The following DLG4 variants were observed in gnomAD, a reference collection of about 807,000 sequenced individuals.
DLG4 encodes disks large homolog 4.
In DLG4, 7 loss-of-function variants were observed where a neutral mutation model predicts 93.8. The observed-to-expected ratio is 0.07, with a 90% CI of 0.04 to 0.14. DLG4 has a LOEUF of 0.14. DLG4 is among the 10% of genes least tolerant of loss of function. The probability of loss-of-function intolerance (pLI) is 1.00; values close to 1 mark genes in which losing one functional copy is unlikely to be tolerated. For missense variants in DLG4, 545 were observed against 992.9 expected, an observed-to-expected ratio of 0.55 and a Z score of 6.06; for synonymous variants, 341 against 387.6, an observed-to-expected ratio of 0.88 and a Z score of 1.41.
chr17:7,213,544 T>C (rs529972734), intron 1 of DLG4, among the ~76,000 whole-genome samples: 10 of 151,986 alleles, frequency 6.6e-5, no homozygotes, highest in Non-Finnish European at 1.3e-4. Flanking sequence ...CCTCAAAAAA[T>C]ACACACCAAA....
At chr17:7,197,648 C>G (rs1315083804) in intron 8 of DLG4, among the ~76,000 whole-genome samples, 1 of 152,082 alleles carries the variant, frequency 6.6e-6, no homozygotes, top group Non-Finnish European at 1.5e-5. Context: ...CCATGCCCAG[C>G]TAATTTTTGT....
chr17:7,213,197 G>A (rs935752439), intron 1 of DLG4, among the ~76,000 whole-genome samples: 4 of 146,252 alleles, frequency 2.7e-5, no homozygotes, highest in African/African-American at 7.5e-5. Context: ...TCCCGGGTTC[G>A]AGTGATTCTC....
chr17:7,196,937 C>A lies in DLG4; in HGVS notation c.903G>T (p.Leu301=). 6.2e-7 allele frequency: 1 copy of A among 1,613,832 alleles called. No homozygotes were observed. Among genetic ancestry groups the A allele is most frequent in the Non-Finnish European group, 8.5e-7 (1 of 1,179,842 alleles). The change falls in exon 9 of 20, where the codon CTG becomes CTT. Residue 301 remains leucine (L), a synonymous_variant. Transcript: ENST00000399506. The surrounding 1 kb of genome is among the most constrained non-coding windows in gnomAD (Gnocchi z 8.3). ...PRRYSPVAKD[L]LGEEDIPREP... ...CTCGGGGAATGTCTTCCTCCCCGAGCAGGTCCTTGGCCACTGGAGAGTAGC... is the reference window on the plus strand; with the variant it reads ...CTCGGGGAATGTCTTCCTCCCCGAGAAGGTCCTTGGCCACTGGAGAGTAGC...
rs2142833492 is a variant in DLG4, at chr17:7,194,845, C to G, written c.1302-350G>C. Among the ~76,000 whole-genome samples, 1 of 152,050 alleles carries G rather than the reference C, an allele frequency of 6.6e-6. No individual in the cohort carries two copies. Among genetic ancestry groups the G allele is most frequent in the Non-Finnish European group, 1.5e-5 (1 of 67,980 alleles). ...AGGAGATTGAGACCATGGTGAAACC[C>G]CGTCTCTACTAAAAATACAAAATAT... On this transcript the variant is annotated intron_variant, in intron 11 of 19. Coordinates refer to ENST00000399506, the MANE Select transcript of DLG4 (RefSeq NM_001321075.3). This position sits in a 1 kb window ranked among gnomAD's most constrained non-coding sequence, Gnocchi z 4.4.
At chr17:7,192,796 G>T in intron 17 of DLG4, 149 bp downstream of exon 17, 1 of 858,184 alleles carries the variant, frequency 1.2e-6, no homozygotes, top group Non-Finnish European at 1.8e-6. Context: ...GTCAGACAGA[G>T]TTGCCCAAGA....
At position 7,208,110 on chromosome 17, in the gene DLG4, C is replaced by T; in HGVS notation, c.96+64G>A. 5 of 1,320,110 alleles carry T rather than the reference C, an allele frequency of 3.8e-6. No homozygotes were observed. Among genetic ancestry groups the T allele is most frequent in the Non-Finnish European group, 4.9e-6 (5 of 1,025,060 alleles). The allele number at this position is 1,320,110 out of a possible 1,614,324, so 81.8% of individuals were successfully genotyped here. A position where few individuals can be genotyped will look rare whatever the true frequency, so the allele number is the denominator to read the frequency against. On this transcript the variant is annotated intron_variant, in intron 2 of 19. Coordinates refer to ENST00000399506, the MANE Select transcript of DLG4 (RefSeq NM_001321075.3). This position sits in a 1 kb window ranked among gnomAD's most constrained non-coding sequence, Gnocchi z 5.4. ...GAGAGGTGGGCGTGGCCCACGACCCCGTGGCCAGCCTCGAGGTGGGACAAG... is the reference window on the plus strand; with the variant it reads ...GAGAGGTGGGCGTGGCCCACGACCCTGTGGCCAGCCTCGAGGTGGGACAAG...
chr17:7,202,982 A>G lies in DLG4; in HGVS notation c.708T>C (p.Tyr236=). 5 of 1,613,876 alleles carry G rather than the reference A, an allele frequency of 3.1e-6. No homozygotes were observed. The highest frequency in any genetic ancestry group is 4.2e-6 in the Non-Finnish European group (5 of 1,179,760). Residue 236 remains tyrosine, a synonymous_variant, in exon 8 of 20, where the codon TAT becomes TAC. Transcript: ENST00000399506. The part of the protein sequence containing the change: ...EDAVAALKNT[Y]DVVYLKVAKP... Reference sequence around the variant, plus strand: ...TGGCCACCTTTAGGTAGACAACATCATACGTGTTCTTCAGGGCTGCCACAG... The same window carrying G: ...TGGCCACCTTTAGGTAGACAACATCGTACGTGTTCTTCAGGGCTGCCACAG...
At position 7,190,693 on chromosome 17, in the gene DLG4, A is replaced by G; in HGVS notation, c.*15T>C. On this transcript the variant is annotated 3_prime_UTR_variant, in exon 20 of 20. Coordinates refer to ENST00000399506, the MANE Select transcript of DLG4 (RefSeq NM_001321075.3). ...GATGGAGGCAGGGCGAGTCCAGGCCAAGCCAGGGCAGGAATCAGAGTCTCT... is the reference window on the plus strand; with the variant it reads ...GATGGAGGCAGGGCGAGTCCAGGCCGAGCCAGGGCAGGAATCAGAGTCTCT... The G allele has an allele frequency of 6.2e-7, 1 of 1,608,152 alleles. No homozygotes were observed. Among genetic ancestry groups the G allele is most frequent in the South Asian group, 1.1e-5 (1 of 90,944 alleles).
intron 17 of DLG4, 115 bp downstream of exon 17, chr17:7,192,830 G>T: frequency 8.4e-7 from 1 of 1,188,624 alleles, no homozygotes; most frequent in Non-Finnish European, 1.2e-6. Context: ...GAGGAGCGGA[G>T]TGGAGACCCA....
rs1305022957 is a variant in DLG4 at position 7,193,556 on chromosome 17, A to C, written c.1620T>G (p.Leu540=). The change falls in exon 16 of 20, where the codon CTT becomes CTG. Residue 540 remains leucine, a synonymous_variant. Coordinates refer to ENST00000399506, the MANE Select transcript of DLG4 (RefSeq NM_001321075.3). The surrounding 1 kb of genome is among the most constrained non-coding windows in gnomAD (Gnocchi z 6.7). ...CGTTGGCGCGGTCCTTGGTGGGCCCAAGGATGATGATGGGGCGAGCATAGT... is the reference window on the plus strand; with the variant it reads ...CGTTGGCGCGGTCCTTGGTGGGCCCCAGGATGATGATGGGGCGAGCATAGT... ...EVHYARPIII[L]GPTKDRANDD... is the part of the protein sequence containing the mutation. 8.5e-6 allele frequency: 13 copies of C among 1,533,022 alleles called. No individual in the cohort carries two copies. Among genetic ancestry groups the C allele is most frequent in the Non-Finnish European group, 1.1e-5 (13 of 1,145,896 alleles). 95.0% of individuals were successfully genotyped at this position (1,533,022 alleles called of 1,614,324 possible).
Position 7,217,100 on chromosome 17 carries a change from C to T in DLG4, c.30+18G>A, listed in dbSNP as rs2074220. The T allele has an allele frequency of 0.013, 16,183 of 1,284,564 alleles. 684 individuals carry two copies. In the East Asian group the frequency reaches 0.18, roughly 15 times the overall value. 79.6% of individuals were successfully genotyped at this position (1,284,564 alleles called of 1,614,324 possible). On this transcript the variant is annotated intron_variant, in intron 1 of 19. Transcript: ENST00000399506. ...CTCATACCCTCCCCCCAGTTTATAG[C>T]CCCCCCATCATGCTTACCTTGGTTG...
chr17:7,192,826 C>T (rs1354715205), intron 17 of DLG4, 119 bp downstream of exon 17: 29 of 1,111,998 alleles, frequency 2.6e-5, no homozygotes, highest in Middle Eastern at 3.0e-4. Context: ...GGTGGAGGAG[C>T]GGAGTGGAGA....
At position 7,193,282 on chromosome 17, in the gene DLG4, C is replaced by T. The variant is rs1465182860; in HGVS notation, c.1694-165G>A. Among the ~76,000 whole-genome samples the T allele has an allele frequency of 6.7e-6, 1 of 150,186 alleles. No homozygotes were observed. The highest frequency in any genetic ancestry group is 2.4e-5 in the African/African-American group (1 of 41,306). On this transcript the variant is annotated intron_variant, in intron 16 of 19. Transcript: ENST00000399506. This position sits in a 1 kb window ranked among gnomAD's most constrained non-coding sequence, Gnocchi z 6.7. ...GGGCCAGAACCGCTTCCCCTAGCAC[C>T]CTCCAGGGCCTCCAAGTCTCTGGCC...
chr17:7,213,874 A>G (rs1195894131), intron 1 of DLG4: 1 of 471,028 alleles, frequency 2.1e-6, no homozygotes, highest in Non-Finnish European at 4.4e-6. Context: ...TCCTAGTTTC[A>G]TATCTGGTAG....
At chr17:7,214,230 C>T (rs1427283150) in intron 1 of DLG4, among the ~76,000 whole-genome samples, 1 of 152,192 alleles carries the variant, frequency 6.6e-6, no homozygotes, top group Non-Finnish European at 1.5e-5. Flanking sequence ...AAGACCCCCG[C>T]GCCCTGAAGT....
At position 7,191,826 on chromosome 17, in the gene DLG4, C is replaced by T. The variant is rs898455908; in HGVS notation, c.1976+67G>A. The T allele has an allele frequency of 1.9e-5, 22 of 1,132,860 alleles. 1 individual carries two copies. In the South Asian group the frequency reaches 2.9e-4, roughly 15 times the overall value. 70.2% of individuals were successfully genotyped at this position (1,132,860 alleles called of 1,614,324 possible). ...TTCTGAAGGGAGAGTTGAACGCAGA[C>T]GCCTTGTGAGGCCCAGGGCCACAGG... On this transcript the variant is annotated intron_variant, in intron 18 of 19. Transcript: ENST00000399506. This position sits in a 1 kb window ranked among gnomAD's most constrained non-coding sequence, Gnocchi z 6.6.
upstream of DLG4, chr17:7,218,269 T>C (rs1206506625): frequency 1.2e-6 from 2 of 1,609,500 alleles, no homozygotes; most frequent in African/African-American, 2.7e-5. Context: ...AGCCTCATAA[T>C]AGTCCAGGAT....
Position 7,193,357 on chromosome 17 carries a change from C to T in DLG4, c.1693+126G>A, listed in dbSNP as rs1204668586. 2.0e-5 allele frequency: 22 copies of T among 1,096,502 alleles called. No individual in the cohort carries two copies. Among genetic ancestry groups the T allele is most frequent in the Non-Finnish European group, 2.8e-5 (22 of 780,870 alleles). The allele number at this position is 1,096,502 out of a possible 1,614,324, so 67.9% of individuals were successfully genotyped here. On this transcript the variant is annotated intron_variant, in intron 16 of 19. Transcript: ENST00000399506. The surrounding 1 kb of genome is among the most constrained non-coding windows in gnomAD (Gnocchi z 6.7). The stretch of plus-strand genomic sequence containing the variant: ...AGGGTGGCTGAGAAGCACCCCTTCT[C>T]GGAGAAACCCTGTATCTCCCTACAC...
Position 7,191,409 on chromosome 17 carries a change from C to A in DLG4, c.1977-51G>T, listed in dbSNP as rs540418203. ...CTGAGACTGGACCCACCTGACCCTG[C>A]CTTTTATCTCCTCTATCCAGGAATG... On this transcript the variant is annotated intron_variant, in intron 18 of 19. Coordinates refer to ENST00000399506, the MANE Select transcript of DLG4 (RefSeq NM_001321075.3). This position sits in a 1 kb window ranked among gnomAD's most constrained non-coding sequence, Gnocchi z 6.6. 115 of 1,334,816 alleles carry A rather than the reference C, an allele frequency of 8.6e-5. No individual in the cohort carries two copies. The African/African-American group carries it at 1.5e-3, about 18-fold the overall frequency. 82.7% of individuals were successfully genotyped at this position (1,334,816 alleles called of 1,614,324 possible). A position where few individuals can be genotyped will look rare whatever the true frequency, so the allele number is the denominator to read the frequency against.
Sources: gnomAD v4.1 joint callset for allele counts (sites outside exome capture counted in the v4.1 genomes callset) on GRCh38, gnomAD v4.1.1 for gene constraint, Gnocchi (gnomAD v3.1) non-coding constraint, MANE v1.5 for transcripts, NCBI Gene and HGNC (gene_info 2026-07-23, HGNC 2026-07-21) for gene names.